PRKN: variants seen among roughly 807,000 people sequenced by gnomAD.
The protein encoded by PRKN is parkin RBR E3 ubiquitin protein ligase, also known as E3 ubiquitin-protein ligase parkin.
In PRKN, 56 loss-of-function variants were observed where a neutral mutation model predicts 59.5. That is an observed-to-expected ratio of 0.94 (90% CI 0.76 to 1.18). PRKN has a LOEUF of 1.18. Among genes scored for constraint, PRKN ranks in the 50% most tolerant of loss-of-function variants. The probability of loss-of-function intolerance (pLI) is 0.00; values close to 1 mark genes in which losing one functional copy is unlikely to be tolerated. For synonymous variants in PRKN, 250 were observed against 222.1 expected (o/e 1.13, Z -1.12); for missense variants, 657 against 596.4 (o/e 1.10, Z -1.06).
chr6:162,188,604 C>T (rs988636890), intron 4 of PRKN, among the ~76,000 whole-genome samples: 1 of 152,150 alleles, frequency 6.6e-6, no homozygotes, highest in East Asian at 1.9e-4. Flanking sequence ...CCATACCTTT[C>T]GTGGCTCCAA....
intron 4 of PRKN, among the ~76,000 whole-genome samples, chr6:162,117,823 G>A (rs1780738898): frequency 6.6e-6 from 1 of 152,196 alleles, no homozygotes; most frequent in Non-Finnish European, 1.5e-5. Flanking sequence ...TTGGGCCGAT[G>A]TGGTGGCTCA....
intron 4 of PRKN, among the ~76,000 whole-genome samples, chr6:162,155,708 A>C (rs1005855209): frequency 2.0e-5 from 3 of 152,054 alleles, no homozygotes; most frequent in Non-Finnish European, 4.4e-5. Flanking sequence ...ACTTGCCTTC[A>C]TCCAATTCTA....
At position 161,957,249 on chromosome 6, in the gene PRKN, TCAC is replaced by T. The variant is rs374195577; in HGVS notation, c.734+16050_734+16052del. Among the ~76,000 whole-genome samples the T allele has an allele frequency of 8.5e-5, 13 of 152,334 alleles. No homozygotes were observed. In the East Asian group the frequency reaches 1.5e-3, roughly 18 times the overall value. On this transcript the variant is annotated intron_variant, in intron 6 of 11. Coordinates refer to ENST00000366898, the MANE Select transcript of PRKN (RefSeq NM_004562.3). ...TCACGTGAATGTTGTTTCTGAACTA[TCAC>T]CACAACCTTGATACTCCTTTTAAGT...
intron 11 of PRKN, among the ~76,000 whole-genome samples, chr6:161,350,864 A>G (rs1394223116): frequency 1.1e-5 from 1 of 93,482 alleles, no homozygotes; most frequent in African/African-American, 4.6e-5. Flanking sequence ...TATTTAAAAT[A>G]TATATATTTT....
At chr6:162,134,770 G>C (rs777558125) in intron 4 of PRKN, among the ~76,000 whole-genome samples, 1 of 152,266 alleles carries the variant, frequency 6.6e-6, no homozygotes, top group Admixed American at 6.5e-5. Context: ...GAGGCAGAGA[G>C]TGCCAAAAAG....
intron 1 of PRKN, among the ~76,000 whole-genome samples, chr6:162,544,181 C>G (rs1779030113): frequency 6.6e-6 from 1 of 152,064 alleles, no homozygotes. Context: ...GCATATAAAA[C>G]AGGCAGTACA....
At chr6:162,501,322 A>T (rs970119001) in intron 1 of PRKN, among the ~76,000 whole-genome samples, 9 of 150,112 alleles carry the variant, frequency 6.0e-5, no homozygotes, top group African/African-American at 2.0e-4. Flanking sequence ...ATATCTTTAA[A>T]CTTCATTATG....
At chr6:161,625,377 C>T (rs145668527) in intron 7 of PRKN, among the ~76,000 whole-genome samples, 1,636 of 137,290 alleles carry the variant, frequency 0.012, 27 homozygotes, top group African/African-American at 0.044. Flanking sequence ...AACATATGGA[C>T]AGAGGAAGGG....
chr6:161,880,086 T>C (rs374284273), intron 6 of PRKN, among the ~76,000 whole-genome samples: 8 of 152,230 alleles, frequency 5.3e-5, no homozygotes, highest in African/African-American at 1.7e-4. Flanking sequence ...TATGCTCTTT[T>C]CATGTTTAAT....
At chr6:162,136,684 A>G (rs933938878) in intron 4 of PRKN, among the ~76,000 whole-genome samples, 8 of 152,208 alleles carry the variant, frequency 5.3e-5, no homozygotes, top group Admixed American at 1.3e-4. Context: ...TGTTTTCAGC[A>G]TCATCACTGT....
intron 1 of PRKN, among the ~76,000 whole-genome samples, chr6:162,639,236 T>C (rs931909860): frequency 1.3e-5 from 2 of 152,084 alleles, no homozygotes; most frequent in African/African-American, 4.8e-5. Context: ...AATGGCGCCA[T>C]TTCCCCAGTT....
At chr6:162,443,046 G>A (rs144236569) in intron 2 of PRKN, among the ~76,000 whole-genome samples, 104 of 152,286 alleles carry the variant, frequency 6.8e-4, no homozygotes, top group African/African-American at 2.5e-3. Flanking sequence ...GTAGTCAGTA[G>A]ACATTTATTC....
chr6:162,685,787 G>C (rs771272105), intron 1 of PRKN, among the ~76,000 whole-genome samples: 1 of 152,116 alleles, frequency 6.6e-6, no homozygotes, highest in Non-Finnish European at 1.5e-5. Flanking sequence ...TTCTCAAACA[G>C]AGCTGAGTAT....
At position 161,566,091 on chromosome 6, in the gene PRKN, T is replaced by C. The variant is rs1780632750; in HGVS notation, c.933+3264A>G. Among the ~76,000 whole-genome samples, 1 of 152,208 alleles carries C rather than the reference T, an allele frequency of 6.6e-6. No homozygotes were observed. Among genetic ancestry groups the C allele is most frequent in the Non-Finnish European group, 1.5e-5 (1 of 68,038 alleles). On this transcript the variant is annotated intron_variant, in intron 8 of 11. Coordinates refer to ENST00000366898, the MANE Select transcript of PRKN (RefSeq NM_004562.3). The surrounding 1 kb of genome is among the most constrained non-coding windows in gnomAD (Gnocchi z 4.1). ...TCCCATTAAGAAGGTCATTTTCTTA[T>C]CTCCATCCCTCAGCTACCTCATTTC...
At chr6:162,367,094 C>A (rs529988355) in intron 2 of PRKN, among the ~76,000 whole-genome samples, 1 of 152,040 alleles carries the variant, frequency 6.6e-6, no homozygotes, top group Non-Finnish European at 1.5e-5. Flanking sequence ...CCAGTTACCC[C>A]CATGCCTGCT....
chr6:161,766,146 CA>C (rs1789413233), intron 7 of PRKN, among the ~76,000 whole-genome samples: 1 of 152,042 alleles, frequency 6.6e-6, no homozygotes, highest in Non-Finnish European at 1.5e-5. Context: ...TTTTATTCTA[CA>C]AAAATATATA....
intron 7 of PRKN, among the ~76,000 whole-genome samples, chr6:161,595,443 C>T (rs1781879959): frequency 6.6e-6 from 1 of 152,176 alleles, no homozygotes; most frequent in Admixed American, 6.5e-5. Context: ...TACCTGCTTT[C>T]CCATTGTTGT....
At chr6:162,374,523 T>TTTTA (rs567162954) in intron 2 of PRKN, among the ~76,000 whole-genome samples, 39 of 151,984 alleles carry the variant, frequency 2.6e-4, no homozygotes, top group African/African-American at 9.4e-4. Context: ...TAATTTTATG[T>TTTTA]TTTATTTATT....
At chr6:162,362,252 G>C (rs190612221) in intron 2 of PRKN, among the ~76,000 whole-genome samples, 1 of 152,050 alleles carries the variant, frequency 6.6e-6, no homozygotes, top group Non-Finnish European at 1.5e-5. Context: ...ATCATCTCAA[G>C]AATGTTTTCG....
Sources: allele counts gnomAD v4.1 joint callset (sites outside exome capture counted in the v4.1 genomes callset), GRCh38; gene constraint gnomAD v4.1.1; non-coding constraint Gnocchi (gnomAD v3.1); transcripts MANE v1.5; gene names NCBI Gene and HGNC (gene_info 2026-07-23, HGNC 2026-07-21).